USP7: variants seen among roughly 807,000 people sequenced by gnomAD.
USP7 encodes the protein ubiquitin C-terminal hydrolase 7.
Under a neutral mutation model 162.9 loss-of-function variants are expected in USP7, and 9 were observed. The ratio of observed to expected loss-of-function variants is 0.06; its 90% CI spans 0.03 to 0.10. The LOEUF (loss-of-function observed/expected upper bound fraction) is 0.10. Ranked by LOEUF, USP7 falls within the 10% of genes least tolerant of loss-of-function variation. The pLI is 1.00. For synonymous variants in USP7, 562 were observed against 475.9 expected (o/e 1.18, Z -2.35); for missense variants, 715 against 1,373.7 (o/e 0.52, Z 7.58).
chr16:8,928,740 CAAG>C, intron 2 of USP7, among the ~76,000 whole-genome samples: 1 of 152,288 alleles, frequency 6.6e-6, no homozygotes, highest in East Asian at 1.9e-4. Context: ...CTTTTTCCAT[CAAG>C]GAGGTCACAA....
chr16:8,897,726 A>AAAAAAAAAAT (rs1555461671), intron 25 of USP7, among the ~76,000 whole-genome samples: 1 of 7,138 alleles, frequency 1.4e-4, no homozygotes, highest in African/African-American at 5.6e-4. Context: ...AAAAAAAAAA[A>AAAAAAAAAAT]ATATATATAT....
rs191688539 is a variant in USP7 at position 8,893,980 on chromosome 16, A to G, written c.*18T>C. The G allele has an allele frequency of 2.9e-5, 46 of 1,612,980 alleles. No homozygotes were observed. Among genetic ancestry groups the G allele is most frequent in the Non-Finnish European group, 3.5e-5 (41 of 1,178,942 alleles). On this transcript the variant is annotated 3_prime_UTR_variant, in exon 31 of 31. Transcript: ENST00000344836. ...CCACCCACACACCGTCCTCGCCTTG[A>G]ACACACCAGCTTGGAAATCAGTTAT...
chr16:8,901,499 G>A (rs963483752), intron 18 of USP7, among the ~76,000 whole-genome samples: 2 of 152,196 alleles, frequency 1.3e-5, no homozygotes, highest in African/African-American at 4.8e-5. Flanking sequence ...ACTGAGTGCA[G>A]CAAACTTAGA....
At position 8,893,143 on chromosome 16, in the gene USP7, T is replaced by C. The variant is rs897181298; in HGVS notation, c.*855A>G. 3 of 152,220 alleles carry C rather than the reference T, an allele frequency of 2.0e-5. No individual in the cohort carries two copies. The highest frequency in any genetic ancestry group is 2.0e-4 in the Admixed American group (3 of 15,282). 9.4% of individuals were successfully genotyped at this position (152,220 alleles called of 1,614,324 possible). A position where few individuals can be genotyped will look rare whatever the true frequency, so the allele number is the denominator to read the frequency against. On this transcript the variant is annotated 3_prime_UTR_variant, in exon 31 of 31. Coordinates refer to ENST00000344836, the MANE Select transcript of USP7 (RefSeq NM_003470.3). Reference sequence around the variant, plus strand: ...CCTTTTTTTTTCATTTTTAACTTTTTTACAAAGTCGACAGCTTACTAACCA... The same window carrying C: ...CCTTTTTTTTTCATTTTTAACTTTTCTACAAAGTCGACAGCTTACTAACCA...
Position 8,918,670 on chromosome 16 carries a change from G to A in USP7, c.720+361C>T, listed in dbSNP as rs530809256. On this transcript the variant is annotated intron_variant, in intron 6 of 30. Coordinates refer to ENST00000344836, the MANE Select transcript of USP7 (RefSeq NM_003470.3). ...ACTAAAATATAAAAATTAGCTGGCCGTGGTGGCGGGTGCCTGTAATCCCAG... is the reference window on the plus strand; with the variant it reads ...ACTAAAATATAAAAATTAGCTGGCCATGGTGGCGGGTGCCTGTAATCCCAG... Among the ~76,000 whole-genome samples the A allele has an allele frequency of 1.4e-4, 21 of 152,262 alleles. No individual in the cohort carries two copies. The South Asian group carries it at 3.1e-3, about 23-fold the overall frequency.
At chr16:8,916,073 G>A (rs183291226) in intron 8 of USP7, among the ~76,000 whole-genome samples, 21 of 152,258 alleles carry the variant, frequency 1.4e-4, no homozygotes, top group East Asian at 1.2e-3. Context: ...GTGATGGCGC[G>A]GGGAGAGTAA....
intron 3 of USP7, 89 bp from the exon 4 acceptor site, chr16:8,921,384 T>C (rs1292035779): frequency 1.0e-5 from 15 of 1,462,072 alleles, no homozygotes; most frequent in Non-Finnish European, 1.3e-5. Context: ...ACACCAAAAT[T>C]CCCATTTATG....
Position 8,903,306 on chromosome 16 carries a change from A to G in USP7, c.1801T>C (p.Ser601Pro). ...YTVFKVLKNS[S>P]LAEFVQSLSQ... Reference sequence around the variant, plus strand: ...AGGCTCTGAACAAACTCAGCAAGCGAGGAGTTCTTCAATACTTTGAACACA... The same window carrying G: ...AGGCTCTGAACAAACTCAGCAAGCGGGGAGTTCTTCAATACTTTGAACACA... The change falls in exon 16 of 31, where the codon TCG (serine) becomes CCG (proline). Residue 601 changes from serine (S) to proline (P), a missense_variant. Transcript: ENST00000344836. The G allele has an allele frequency of 6.2e-7, 1 of 1,614,072 alleles. No individual in the cohort carries two copies. The highest frequency in any genetic ancestry group is 1.3e-5 in the African/African-American group (1 of 75,042).
In USP7 at chr16:8,923,310, T is replaced by C. The variant is rs773674539; in HGVS notation, c.288A>G (p.Pro96=). The C allele has an allele frequency of 7.4e-6, 12 of 1,614,154 alleles. No individual in the cohort carries two copies. Among genetic ancestry groups the C allele is most frequent in the African/African-American group, 2.7e-5 (2 of 74,946 alleles). Residue 96 remains proline (P), a synonymous_variant, in exon 3 of 31, where the codon CCA becomes CCG. Coordinates refer to ENST00000344836, the MANE Select transcript of USP7 (RefSeq NM_003470.3). ...AGCGTGGCATCACCATAATCTTCCATGGCAGATTTCGCACAAAACACGGAG... is the reference window on the plus strand; with the variant it reads ...AGCGTGGCATCACCATAATCTTCCACGGCAGATTTCGCACAAAACACGGAG... The part of the protein sequence containing the change: ...LSPPCFVRNL[P]WKIMVMPRFY...
chr16:8,903,689 G>C (rs1011465776), intron 15 of USP7, among the ~76,000 whole-genome samples: 1 of 152,038 alleles, frequency 6.6e-6, no homozygotes, highest in Non-Finnish European at 1.5e-5. Context: ...CCAACACGGA[G>C]AAACCCTGTC....
chr16:8,911,866 G>C (rs1226702001), intron 10 of USP7, among the ~76,000 whole-genome samples: 1 of 152,272 alleles, frequency 6.6e-6, no homozygotes, highest in African/African-American at 2.4e-5. Context: ...GAGGATTGGG[G>C]GGAACAACCT....
intron 1 of USP7, among the ~76,000 whole-genome samples, chr16:8,950,163 CA>C (rs935153592): frequency 1.3e-5 from 2 of 152,118 alleles, no homozygotes; most frequent in African/African-American, 4.8e-5. Context: ...ACCAAAAAAC[CA>C]AATATTTATG....
chr16:8,938,953 A>C (rs1395546293), intron 1 of USP7, among the ~76,000 whole-genome samples: 1 of 152,124 alleles, frequency 6.6e-6, no homozygotes, highest in African/African-American at 2.4e-5. Context: ...ACACCCTGAG[A>C]GGGGTCCTGG....
rs997129152 is a variant in USP7, at chr16:8,893,972, T to C, written c.*26A>G. 2 of 1,609,966 alleles carry C rather than the reference T, an allele frequency of 1.2e-6. No individual in the cohort carries two copies. Among genetic ancestry groups the C allele is most frequent in the Non-Finnish European group, 1.7e-6 (2 of 1,176,198 alleles). ...TTAAGGGGCCACCCACACACCGTCC[T>C]CGCCTTGAACACACCAGCTTGGAAA... On this transcript the variant is annotated 3_prime_UTR_variant, in exon 31 of 31. Coordinates refer to ENST00000344836, the MANE Select transcript of USP7 (RefSeq NM_003470.3).
At chr16:8,913,305 G>A (rs562396076) in intron 10 of USP7, among the ~76,000 whole-genome samples, 5 of 152,264 alleles carry the variant, frequency 3.3e-5, no homozygotes, top group South Asian at 2.1e-4. Context: ...GCAGTGAGCC[G>A]AGATCGCACC....
At position 8,896,975 on chromosome 16, in the gene USP7, C is replaced by A. The variant is rs1030404646; in HGVS notation, c.2819+24G>T. The A allele has an allele frequency of 4.4e-6, 7 of 1,587,586 alleles. No individual in the cohort carries two copies. The African/African-American group carries it at 8.1e-5, about 18-fold the overall frequency. The stretch of plus-strand genomic sequence containing the variant: ...ACTGCCACCCCTAACTGAACGTCCA[C>A]AATTGGGCTCAAGAAATACTTGCCT... On this transcript the variant is annotated intron_variant, in intron 26 of 30. Transcript: ENST00000344836.
chr16:8,956,608 A>G (rs1228483571), intron 1 of USP7, among the ~76,000 whole-genome samples: 1 of 152,142 alleles, frequency 6.6e-6, no homozygotes, highest in African/African-American at 2.4e-5. Flanking sequence ...CTACTAAAAT[A>G]TAAAAATTAG....
At chr16:8,897,747 A>ATATATATATATATATATATAT (rs1491214554) in intron 25 of USP7, among the ~76,000 whole-genome samples, 4 of 117,968 alleles carry the variant, frequency 3.4e-5, no homozygotes, top group African/African-American at 1.3e-4. Flanking sequence ...ATATATATAT[A>ATATATATATATATATATATAT]AATGAGTTGG....
At chr16:8,922,226 C>T (rs1382299376) in intron 3 of USP7, among the ~76,000 whole-genome samples, 3 of 152,230 alleles carry the variant, frequency 2.0e-5, no homozygotes, top group East Asian at 1.9e-4. Context: ...CGCTGGCTCA[C>T]GCCTGTAATC....
Sources: gnomAD v4.1 joint callset for allele counts (sites outside exome capture counted in the v4.1 genomes callset) on GRCh38, gnomAD v4.1.1 for gene constraint, MANE v1.5 for transcripts, NCBI Gene and HGNC (gene_info 2026-07-23, HGNC 2026-07-21) for gene names.